The following PIEZO1 variants were observed in gnomAD, a reference collection of about 807,000 sequenced individuals.
PIEZO1 encodes the protein piezo type mechanosensitive ion channel component 1 (Er blood group), also known as piezo-type mechanosensitive ion channel component 1.
In PIEZO1, 296 loss-of-function variants were observed where a neutral mutation model predicts 297.2. The ratio of observed to expected loss-of-function variants is 1.00; its 90% CI spans 0.91 to 1.10. The LOEUF is 1.10. Among genes scored for constraint, PIEZO1 ranks in the 50% least tolerant of loss-of-function variants. The pLI is 0.00. For synonymous variants in PIEZO1, 2,427 were observed against 1,507.5 expected, an observed-to-expected ratio of 1.61 and a Z score of -14.13; for missense variants, 5,018 against 3,455.5, an observed-to-expected ratio of 1.45 and a Z score of -11.34.
In PIEZO1 at chr16:88,715,483, G is replaced by C. The variant is rs1456453489; in HGVS notation, c.*122C>G. On this transcript the variant is annotated 3_prime_UTR_variant, in exon 51 of 51. Coordinates refer to ENST00000301015, the MANE Select transcript of PIEZO1 (RefSeq NM_001142864.4). ...CATCAGGGCTCAGGCAGGCCGGGAG[G>C]ATGCATCACAGCTGGCGGCCTTGGA... The C allele has an allele frequency of 9.2e-7, 1 of 1,082,724 alleles. No homozygotes were observed. The highest frequency in any genetic ancestry group is 2.6e-5 in the East Asian group (1 of 38,748). The allele number at this position is 1,082,724 out of a possible 1,614,324, so 67.1% of individuals were successfully genotyped here. A position where few individuals can be genotyped will look rare whatever the true frequency, so the allele number is the denominator to read the frequency against.
At chr16:88,726,230 C>A in intron 27 of PIEZO1, 54 bp downstream of exon 27, 2 of 1,446,548 alleles carry the variant, frequency 1.4e-6, no homozygotes, top group Non-Finnish European at 1.9e-6. Flanking sequence ...CCTCCCATTG[C>A]CCCCTCCCAG....
chr16:88,749,837 G>A (rs994977751), intron 1 of PIEZO1, among the ~76,000 whole-genome samples: 2 of 152,164 alleles, frequency 1.3e-5, no homozygotes, highest in Admixed American at 1.3e-4. Context: ...AGACCAGCCT[G>A]GCCAACGTGG....
intron 23 of PIEZO1, among the ~76,000 whole-genome samples, 163 bp from the exon 24 acceptor site, chr16:88,727,355 T>G (rs376616419): frequency 4.5e-4 from 68 of 152,090 alleles, no homozygotes; most frequent in Middle Eastern, 3.4e-3. Context: ...GGAGCCCCGG[T>G]GTGAGGGCAT....
chr16:88,760,201 G>A (rs534640826), intron 1 of PIEZO1, among the ~76,000 whole-genome samples: 1 of 152,066 alleles, frequency 6.6e-6, no homozygotes, highest in Non-Finnish European at 1.5e-5. Flanking sequence ...GGCTACAGAC[G>A]GCTGAGCCAC....
chr16:88,761,580 G>A (rs1906934828), intron 1 of PIEZO1, among the ~76,000 whole-genome samples: 1 of 152,194 alleles, frequency 6.6e-6, no homozygotes, highest in African/African-American at 2.4e-5. Context: ...CCCCGATGCT[G>A]CTCAGCATCC....
Position 88,715,461 on chromosome 16 carries a change from C to T in PIEZO1, c.*144G>A. ...CAGTGTCCTTCTCTGACAGCAGCATCAGGGCTCAGGCAGGCCGGGAGGATG... is the reference window on the plus strand; with the variant it reads ...CAGTGTCCTTCTCTGACAGCAGCATTAGGGCTCAGGCAGGCCGGGAGGATG... On this transcript the variant is annotated 3_prime_UTR_variant, in exon 51 of 51. Transcript: ENST00000301015. 1.0e-6 allele frequency: 1 copy of T among 991,608 alleles called. No individual in the cohort carries two copies. Among genetic ancestry groups the T allele is most frequent in the Non-Finnish European group, 1.5e-6 (1 of 679,698 alleles). 61.4% of individuals were successfully genotyped at this position (991,608 alleles called of 1,614,324 possible). A position where few individuals can be genotyped will look rare whatever the true frequency, so the allele number is the denominator to read the frequency against.
intron 2 of PIEZO1, chr16:88,743,176 C>A: frequency 2.2e-6 from 1 of 455,822 alleles, no homozygotes; most frequent in South Asian, 1.6e-5. Context: ...GGGAGGCCTT[C>A]GGCTGCAGGG....
rs764665558 is a variant in PIEZO1 at position 88,722,317 on chromosome 16, C to G, written c.4856G>C (p.Ser1619Thr). ...SPLSTGYHTR[S>T]GSEEAVTDPG... ...GTCGGTGACTGCCTCCTCACTGCCA[C>G]TGCGCGTGTGGTAGCCGGTGCTCAG... The change falls in exon 36 of 51, where the codon AGT becomes ACT. Residue 1619 changes from serine to threonine, a missense_variant. Transcript: ENST00000301015. 6.5e-7 allele frequency: 1 copy of G among 1,547,006 alleles called. No individual in the cohort carries two copies. Among genetic ancestry groups the G allele is most frequent in the Non-Finnish European group, 8.7e-7 (1 of 1,145,870 alleles).
rs1188068265 is a variant in PIEZO1 at position 88,722,848 on chromosome 16, C to A, written c.4657G>T (p.Glu1553Ter). ...LRAERYLLTQ[E>*]LLQGGEVHRG... ...ACGGGCAGGCTCACCTGCAGGAGCT[C>A]CTGTGTGAGGAGGTAGCGCTCTGCC... Residue 1553 changes from glutamate (E) to a stop codon, truncating the protein, a stop_gained, in exon 34 of 51, where the codon GAG becomes TAG. Transcript: ENST00000301015. LOFTEE classifies it high-confidence loss of function. The A allele has an allele frequency of 6.5e-7, 1 of 1,546,696 alleles. No homozygotes were observed. Among genetic ancestry groups the A allele is most frequent in the Admixed American group, 2.0e-5 (1 of 50,994 alleles).
chr16:88,728,314 G>T (rs1904600219), intron 22 of PIEZO1, among the ~76,000 whole-genome samples: 1 of 152,284 alleles, frequency 6.6e-6, no homozygotes, highest in South Asian at 2.1e-4. Flanking sequence ...AGGACTGAGG[G>T]CATGGATGTG....
At chr16:88,762,924 G>GC (rs1473412140) in intron 1 of PIEZO1, among the ~76,000 whole-genome samples, 1 of 152,154 alleles carries the variant, frequency 6.6e-6, no homozygotes, top group Non-Finnish European at 1.5e-5. Flanking sequence ...ATACGCCCGA[G>GC]CCCCCACCTT....
In PIEZO1 at chr16:88,766,358, C is replaced by G. The variant is rs528617684; in HGVS notation, c.65-16879G>C. Among the ~76,000 whole-genome samples the G allele has an allele frequency of 1.1e-3, 173 of 152,320 alleles. 2 individuals are homozygous for G. Among genetic ancestry groups the G allele is most frequent in the South Asian group, 7.0e-3 (34 of 4,828 alleles). ...AGACTGCAACAGCGGCTCTTGACAGCCAGCGCGCCCTGCGAACTTCAGACG... is the reference window on the plus strand; with the variant it reads ...AGACTGCAACAGCGGCTCTTGACAGGCAGCGCGCCCTGCGAACTTCAGACG... On this transcript the variant is annotated intron_variant, in intron 1 of 50. Transcript: ENST00000301015.
chr16:88,720,888 G>C (rs1022023922), intron 39 of PIEZO1, 140 bp from the exon 40 acceptor site: 4 of 1,062,886 alleles, frequency 3.8e-6, no homozygotes, highest in Non-Finnish European at 5.2e-6. Context: ...AGTGTCACTG[G>C]CAAGGAGACA....
chr16:88,743,332 G>A, intron 2 of PIEZO1: 3 of 454,604 alleles, frequency 6.6e-6, no homozygotes, highest in South Asian at 4.6e-5. Context: ...GTCCTGACAG[G>A]GCTGTGGACA....
At chr16:88,721,460 C>A (rs948294158) in intron 38 of PIEZO1, 30 bp from the exon 39 acceptor site, 1 of 1,539,144 alleles carries the variant, frequency 6.5e-7, no homozygotes, top group Non-Finnish European at 8.8e-7. Context: ...GGTGAGGGGG[C>A]CTTGCCTCCC....
At chr16:88,757,785 C>T (rs1030552822) in intron 1 of PIEZO1, among the ~76,000 whole-genome samples, 30 of 152,118 alleles carry the variant, frequency 2.0e-4, no homozygotes, top group African/African-American at 7.0e-4. Context: ...TGGCACCATC[C>T]CACCCCACAG....
chr16:88,772,785 A>G (rs1467831599), intron 1 of PIEZO1, among the ~76,000 whole-genome samples: 3 of 151,170 alleles, frequency 2.0e-5, no homozygotes, highest in Non-Finnish European at 1.5e-5. Flanking sequence ...CAAAAAAAAA[A>G]AAAAAAAGGC....
intron 44 of PIEZO1, chr16:88,719,252 A>G (rs1201881216): frequency 3.2e-6 from 1 of 316,140 alleles, no homozygotes; most frequent in East Asian, 7.0e-5. Flanking sequence ...TGACGCACGA[A>G]TTCTCTCTGA....
At chr16:88,774,035 G>C (rs1199287030) in intron 1 of PIEZO1, among the ~76,000 whole-genome samples, 1 of 152,164 alleles carries the variant, frequency 6.6e-6, no homozygotes, top group African/African-American at 2.4e-5. Flanking sequence ...CTCTCCCCTG[G>C]CTTGGAAGTT....
Sources: allele counts gnomAD v4.1 joint callset (sites outside exome capture counted in the v4.1 genomes callset), GRCh38; gene constraint gnomAD v4.1.1; transcripts MANE v1.5; gene names NCBI Gene and HGNC (gene_info 2026-07-23, HGNC 2026-07-21).